AFG1L: variants seen among roughly 807,000 people sequenced by gnomAD.
The protein encoded by AFG1L is AFG1 like ATPase.
A neutral mutation model predicts 62.2 loss-of-function variants in AFG1L; 53 were observed. The ratio of observed to expected loss-of-function variants is 0.85; its 90% CI spans 0.68 to 1.07. The LOEUF (loss-of-function observed/expected upper bound fraction) is 1.07, where lower values mean the gene tolerates loss of function less well. Among genes scored for constraint, AFG1L ranks in the 50% least tolerant of loss-of-function variants. The probability of loss-of-function intolerance (pLI) is 0.00; values close to 1 mark genes in which losing one functional copy is unlikely to be tolerated. For synonymous variants in AFG1L, 228 were observed against 210.3 expected, an observed-to-expected ratio of 1.08 and a Z score of -0.73; for missense variants, 555 against 590.5, an observed-to-expected ratio of 0.94 and a Z score of 0.62.
intron 7 of AFG1L, among the ~76,000 whole-genome samples, chr6:108,432,763 C>T (rs1192011780): frequency 6.6e-6 from 1 of 152,100 alleles, no homozygotes; most frequent in African/African-American, 2.4e-5. Flanking sequence ...GAGCTTAAAA[C>T]AAAACAGAAA....
At chr6:108,485,650 ATATATATTTTTTTTTTTTTTTTT>A (rs1773534833) in intron 10 of AFG1L, among the ~76,000 whole-genome samples, 2 of 21,852 alleles carry the variant, frequency 9.2e-5, no homozygotes, top group African/African-American at 5.7e-4. Flanking sequence ...ATATATATAT[ATATATATTTTTTTTTTTTTTTTT>A]TTTTTTTTTT....
chr6:108,453,813 C>T (rs924299672), intron 8 of AFG1L, among the ~76,000 whole-genome samples: 3 of 152,214 alleles, frequency 2.0e-5, no homozygotes, highest in African/African-American at 7.2e-5. Context: ...CATCACCCAT[C>T]ATTACCATTA....
intron 7 of AFG1L, among the ~76,000 whole-genome samples, chr6:108,444,057 C>CATCT (rs60098143): frequency 0.32 from 46,920 of 145,032 alleles, 7,675 homozygotes; most frequent in Middle Eastern, 0.4. Context: ...GAATATCTCC[C>CATCT]ATCTATCTAT....
chr6:108,460,010 G>A (rs1186174383), intron 8 of AFG1L, among the ~76,000 whole-genome samples: 1 of 150,126 alleles, frequency 6.7e-6, no homozygotes, highest in African/African-American at 2.5e-5. Flanking sequence ...AAATTACAGT[G>A]CATGGGCCTT....
Position 108,519,678 on chromosome 6 carries a change from C to A in AFG1L, c.1204-19C>A. The A allele has an allele frequency of 7.7e-7, 1 of 1,305,628 alleles. No homozygotes were observed. The highest frequency in any genetic ancestry group is 1.1e-6 in the Non-Finnish European group (1 of 911,262). 80.9% of individuals were successfully genotyped at this position (1,305,628 alleles called of 1,614,324 possible). A position where few individuals can be genotyped will look rare whatever the true frequency, so the allele number is the denominator to read the frequency against. The stretch of plus-strand genomic sequence containing the variant: ...GAAATGTAAAGAGTAACACATTTAC[C>A]CATTTTCTTCTATTTCAGGTGCGTA... On this transcript the variant is annotated intron_variant, in intron 11 of 12. Transcript: ENST00000368977.
intron 1 of AFG1L, among the ~76,000 whole-genome samples, chr6:108,317,009 TC>T (rs1263870860): frequency 6.6e-6 from 1 of 152,112 alleles, no homozygotes; most frequent in Admixed American, 6.6e-5. Flanking sequence ...GACACGTACC[TC>T]CCCTTAAGTC....
At chr6:108,367,947 AC>A (rs1779827794) in intron 6 of AFG1L, among the ~76,000 whole-genome samples, 1 of 152,150 alleles carries the variant, frequency 6.6e-6, no homozygotes. Flanking sequence ...CATAGTGGGA[AC>A]TTTTTTTTTA....
intron 7 of AFG1L, among the ~76,000 whole-genome samples, chr6:108,438,582 C>T (rs1771409594): frequency 6.6e-6 from 1 of 151,828 alleles, no homozygotes; most frequent in South Asian, 2.1e-4. Flanking sequence ...TCCTATGTTT[C>T]CTCAACTGTA....
intron 7 of AFG1L, among the ~76,000 whole-genome samples, chr6:108,418,103 TA>T (rs746638151): frequency 1.6e-3 from 241 of 152,212 alleles, no homozygotes; most frequent in Non-Finnish European, 1.8e-3. Flanking sequence ...AAGACAAATA[TA>T]ATTGTTAAAG....
chr6:108,298,283 T>TTTC (rs1776847523), intron 1 of AFG1L, among the ~76,000 whole-genome samples: 1 of 147,812 alleles, frequency 6.8e-6, no homozygotes, highest in South Asian at 2.2e-4. Flanking sequence ...TTTTTTTTTT[T>TTTC]GAGACAGAGT....
chr6:108,356,850 A>G (rs761786967), intron 5 of AFG1L, 30 bp downstream of exon 5: 2 of 1,573,294 alleles, frequency 1.3e-6, no homozygotes, highest in Admixed American at 3.6e-5. Context: ...TAGATATAGA[A>G]TGGTATATTG....
At chr6:108,489,975 A>G (rs1443100717) in intron 10 of AFG1L, among the ~76,000 whole-genome samples, 1 of 152,218 alleles carries the variant, frequency 6.6e-6, no homozygotes, top group Non-Finnish European at 1.5e-5. Flanking sequence ...ATGGAAGGAA[A>G]CAGAGCCAGA....
At chr6:108,373,251 C>T (rs1274517009) in intron 6 of AFG1L, among the ~76,000 whole-genome samples, 5 of 152,004 alleles carry the variant, frequency 3.3e-5, no homozygotes, top group African/African-American at 7.3e-5. Context: ...CATGAGTACC[C>T]GATGTCTAGC....
chr6:108,379,015 T>C (rs1364895961), intron 6 of AFG1L, among the ~76,000 whole-genome samples: 1 of 144,492 alleles, frequency 6.9e-6, no homozygotes, highest in Non-Finnish European at 1.5e-5. Context: ...TTTTTTTTTT[T>C]TTTTTGGAGA....
chr6:108,460,950 C>T (rs1410021430), intron 8 of AFG1L, among the ~76,000 whole-genome samples: 3 of 152,188 alleles, frequency 2.0e-5, no homozygotes, highest in Non-Finnish European at 4.4e-5. Flanking sequence ...GAGCGAGACT[C>T]CGTCTCAACA....
At chr6:108,389,073 CA>C (rs1396264032) in intron 6 of AFG1L, among the ~76,000 whole-genome samples, 1 of 152,132 alleles carries the variant, frequency 6.6e-6, no homozygotes, top group Non-Finnish European at 1.5e-5. Flanking sequence ...GTATTGGGTG[CA>C]TATATATTTA....
At chr6:108,467,660 T>G (rs1291174823) in intron 8 of AFG1L, among the ~76,000 whole-genome samples, 2 of 152,236 alleles carry the variant, frequency 1.3e-5, no homozygotes, top group Non-Finnish European at 2.9e-5. Flanking sequence ...CAACATATAA[T>G]CTTGTCACAG....
chr6:108,400,503 A>G (rs1171359796), intron 6 of AFG1L, among the ~76,000 whole-genome samples: 2 of 146,720 alleles, frequency 1.4e-5, no homozygotes, highest in African/African-American at 5.0e-5. Flanking sequence ...AATTTCACTT[A>G]AAGTGACTTT....
intron 6 of AFG1L, among the ~76,000 whole-genome samples, chr6:108,390,267 G>A (rs546025910): frequency 2.6e-5 from 4 of 152,202 alleles, no homozygotes; most frequent in East Asian, 1.9e-4. Context: ...TTAGCCATTC[G>A]TCTAATCTTT....
Sources: allele counts gnomAD v4.1 joint callset (sites outside exome capture counted in the v4.1 genomes callset), GRCh38; gene constraint gnomAD v4.1.1; transcripts MANE v1.5; gene names NCBI Gene and HGNC (gene_info 2026-07-23, HGNC 2026-07-21).